The following PCDHA6 variants were observed in gnomAD, a reference collection of about 807,000 sequenced individuals.
The protein encoded by PCDHA6 is protocadherin alpha 6.
In PCDHA6, 55 loss-of-function variants were observed where a neutral mutation model predicts 60.3. That is an observed-to-expected ratio of 0.91 (90% confidence interval 0.73 to 1.14). PCDHA6 has a LOEUF of 1.14. Among genes scored for constraint, PCDHA6 ranks in the 50% most tolerant of loss-of-function variants. The pLI is 0.00. For missense variants in PCDHA6, 1,327 were observed against 1,256.5 expected (o/e 1.06, Z -0.85); for synonymous variants, 652 against 557.9 (o/e 1.17, Z -2.38).
At position 140,834,409 on chromosome 5, in the gene PCDHA6, C is replaced by G. The variant is rs2150217049; in HGVS notation, c.2394+3924C>G. The stretch of plus-strand genomic sequence containing the variant: ...ATGGTGTGCCCGAATGGATACGACC[C>G]AGGGGGCCGACATCTACTGCTGTTT... On this transcript the variant is annotated intron_variant, in intron 1 of 3. Transcript: ENST00000529310. 4.8e-5 allele frequency: 78 copies of G among 1,610,292 alleles called. 1 individual carries two copies. The highest frequency in any genetic ancestry group is 5.9e-5 in the Non-Finnish European group (70 of 1,177,780).
At chr5:140,985,348 A>G (rs1197077354) in intron 3 of PCDHA6, among the ~76,000 whole-genome samples, 2 of 152,190 alleles carry the variant, frequency 1.3e-5, no homozygotes, top group Non-Finnish European at 2.9e-5. Context: ...AGGCCCAGAT[A>G]TAGACCCTCT....
intron 3 of PCDHA6, among the ~76,000 whole-genome samples, chr5:140,999,630 A>G (rs2097866462): frequency 1.3e-5 from 2 of 152,210 alleles, no homozygotes; most frequent in Non-Finnish European, 2.9e-5. Context: ...GAAACAAGGT[A>G]GAGAAAACTG....
At chr5:140,989,598 T>C (rs369591964) in intron 3 of PCDHA6, among the ~76,000 whole-genome samples, 431 of 152,260 alleles carry the variant, frequency 2.8e-3, no homozygotes, top group Middle Eastern at 6.8e-3. Flanking sequence ...CTGACACAAG[T>C]AAACTAAAAA....
chr5:140,833,359 A>T (rs1015586759), intron 1 of PCDHA6, among the ~76,000 whole-genome samples: 2 of 152,216 alleles, frequency 1.3e-5, no homozygotes, highest in Non-Finnish European at 2.9e-5. Context: ...AAACGAACAC[A>T]GTAAGGTAGA....
At chr5:140,959,443 G>C (rs1472511414) in intron 1 of PCDHA6, among the ~76,000 whole-genome samples, 1 of 151,580 alleles carries the variant, frequency 6.6e-6, no homozygotes, top group Non-Finnish European at 1.5e-5. Context: ...TTTCTATTTT[G>C]TGCTGAAAAG....
In PCDHA6 at chr5:140,844,652, C is replaced by CA. The variant is rs1162718646; in HGVS notation, c.2394+14170dup. 1.0e-4 allele frequency among the ~76,000 whole-genome samples: 15 copies of CA among 149,492 alleles called. 1 individual carries two copies. The highest frequency in any genetic ancestry group is 2.0e-4 in the Admixed American group (3 of 14,904). On this transcript the variant is annotated intron_variant, in intron 1 of 3. Transcript: ENST00000529310. ...ACTATACATGATAATTTCATTCTTG[C>CA]AAACCAAACATATAATTTATAAATC...
chr5:140,945,430 T>C (rs1389561787), intron 1 of PCDHA6, among the ~76,000 whole-genome samples: 2 of 152,082 alleles, frequency 1.3e-5, no homozygotes, highest in African/African-American at 4.8e-5. Flanking sequence ...ATGAAGTTTT[T>C]ACAGAAATAT....
chr5:140,949,714 T>A (rs2094416715), intron 1 of PCDHA6, among the ~76,000 whole-genome samples: 1 of 151,848 alleles, frequency 6.6e-6, no homozygotes, highest in South Asian at 2.1e-4. Flanking sequence ...TTTTACCCAT[T>A]TTGATAATAT....
At chr5:140,978,739 T>C (rs2096820890) in intron 1 of PCDHA6, among the ~76,000 whole-genome samples, 1 of 152,252 alleles carries the variant, frequency 6.6e-6, no homozygotes, top group Non-Finnish European at 1.5e-5. Context: ...TCTTCCAGGG[T>C]ATCTAATCTG....
Position 140,938,107 on chromosome 5 carries a change from T to C in PCDHA6, c.2395-40842T>C, listed in dbSNP as rs73266057. On this transcript the variant is annotated intron_variant, in intron 1 of 3. Coordinates refer to ENST00000529310, the MANE Select transcript of PCDHA6 (RefSeq NM_018909.4). ...TAGTTTTATTATTGTATTTTTTACT[T>C]TCTCTCTTTTTTTAAAAAAATAGAG... is the stretch of plus-strand genomic sequence containing the variant. 3.3e-3 allele frequency among the ~76,000 whole-genome samples: 502 copies of C among 152,318 alleles called. 3 individuals carry two copies. Among genetic ancestry groups the C allele is most frequent in the African/African-American group, 0.012 (483 of 41,576 alleles).
In PCDHA6 at chr5:140,972,718, C is replaced by T. The variant is rs921637217; in HGVS notation, c.2395-6231C>T. Among the ~76,000 whole-genome samples the T allele has an allele frequency of 9.2e-5, 13 of 142,004 alleles. No individual in the cohort carries two copies. In the East Asian group the frequency reaches 2.5e-3, roughly 27 times the overall value. The allele number at this position is 142,004 out of a possible 152,430, so 93.2% of individuals were successfully genotyped here. A position where few individuals can be genotyped will look rare whatever the true frequency, so the allele number is the denominator to read the frequency against. Reference sequence around the variant, plus strand: ...CTCACTCTGTTGCCAGGCTGGAGTGCAGTGGCGTAATCCCGGCTCACTGCA... The same window carrying T: ...CTCACTCTGTTGCCAGGCTGGAGTGTAGTGGCGTAATCCCGGCTCACTGCA... On this transcript the variant is annotated intron_variant, in intron 1 of 3. Coordinates refer to ENST00000529310, the MANE Select transcript of PCDHA6 (RefSeq NM_018909.4).
At chr5:140,874,310 T>G (rs1466164009) in intron 1 of PCDHA6, among the ~76,000 whole-genome samples, 1 of 151,992 alleles carries the variant, frequency 6.6e-6, no homozygotes, top group Non-Finnish European at 1.5e-5. Context: ...TCACAATGAG[T>G]TGTAGGATCT....
At chr5:140,876,565 G>T (rs371696514) in intron 1 of PCDHA6, 1 of 1,614,182 alleles carries the variant, frequency 6.2e-7, no homozygotes, top group Non-Finnish European at 8.5e-7. Context: ...GGATGCTCAG[G>T]TGGGTACCGT....
chr5:140,985,739 CTTTTTTTTT>C (rs11372071), intron 3 of PCDHA6, among the ~76,000 whole-genome samples: 4 of 117,922 alleles, frequency 3.4e-5, no homozygotes, highest in African/African-American at 3.2e-5. Flanking sequence ...TGATGAATTC[CTTTTTTTTT>C]TTTTTTTTTT....
intron 1 of PCDHA6, among the ~76,000 whole-genome samples, chr5:140,838,693 C>T (rs2150291585): frequency 7.9e-5 from 12 of 151,860 alleles, no homozygotes; most frequent in East Asian, 7.7e-4. Flanking sequence ...CCCAACATTT[C>T]GGGAGGCCGA....
chr5:141,000,412 TATATATATA>T (rs1297219533), intron 3 of PCDHA6, among the ~76,000 whole-genome samples: 3 of 102,772 alleles, frequency 2.9e-5, no homozygotes, highest in Admixed American at 1.2e-4. Flanking sequence ...TATATATATA[TATATATATA>T]TTTTTTTTTT....
chr5:140,967,728 G>C (rs781785028), intron 1 of PCDHA6: 13 of 1,614,176 alleles, frequency 8.1e-6, no homozygotes, highest in Non-Finnish European at 1.1e-5. Flanking sequence ...CGAGTAATTG[G>C]GGGGCTGGAT....
At chr5:140,894,141 C>G (rs552932940) in intron 1 of PCDHA6, among the ~76,000 whole-genome samples, 169 of 152,150 alleles carry the variant, frequency 1.1e-3, no homozygotes, top group African/African-American at 3.9e-3. Context: ...AAATAATTCC[C>G]TTCTATGTAA....
chr5:140,866,796 G>A (rs1360079320), intron 1 of PCDHA6: 5 of 152,128 alleles, frequency 3.3e-5, no homozygotes, highest in African/African-American at 1.2e-4. Context: ...TATAGTAAAA[G>A]TCAGGCACAA....
Sources: allele counts gnomAD v4.1 joint callset (sites outside exome capture counted in the v4.1 genomes callset), GRCh38; gene constraint gnomAD v4.1.1; transcripts MANE v1.5; gene names NCBI Gene and HGNC (gene_info 2026-07-23, HGNC 2026-07-21).